The following CNTNAP2 variants were observed in gnomAD, a reference collection of about 807,000 sequenced individuals.
CNTNAP2 encodes the protein contactin associated protein 2, also known as contactin-associated protein-like 2.
Under a neutral mutation model 155.2 loss-of-function variants are expected in CNTNAP2, and 98 were observed. The ratio of observed to expected loss-of-function variants is 0.63; its 90% CI spans 0.54 to 0.75. The LOEUF is 0.75. Among genes scored for constraint, CNTNAP2 ranks in the 30% least tolerant of loss-of-function variants. The probability of loss-of-function intolerance (pLI) is 0.00; values close to 1 mark genes in which losing one functional copy is unlikely to be tolerated. For missense variants in CNTNAP2, 1,727 were observed against 1,688.1 expected, an observed-to-expected ratio of 1.02 and a Z score of -0.40; for synonymous variants, 651 against 631.2, an observed-to-expected ratio of 1.03 and a Z score of -0.47.
At chr7:148,265,549 A>G (rs554097260) in intron 20 of CNTNAP2, among the ~76,000 whole-genome samples, 15 of 152,368 alleles carry the variant, frequency 9.8e-5, no homozygotes, top group African/African-American at 3.6e-4. Flanking sequence ...TGCTGGGATT[A>G]CAGGCATGAG....
chr7:147,505,697 T>G (rs970261213), intron 11 of CNTNAP2, among the ~76,000 whole-genome samples: 1 of 152,220 alleles, frequency 6.6e-6, no homozygotes, highest in Non-Finnish European at 1.5e-5. Context: ...ACCAAACAAA[T>G]GGCCTTAAAC....
intron 1 of CNTNAP2, among the ~76,000 whole-genome samples, chr7:146,411,666 G>A (rs187069135): frequency 2.0e-5 from 3 of 151,876 alleles, no homozygotes; most frequent in Admixed American, 6.6e-5. Flanking sequence ...AGTTCCAACC[G>A]TGTTGTGTGT....
chr7:147,465,768 A>G (rs1197183959), intron 10 of CNTNAP2, among the ~76,000 whole-genome samples: 1 of 152,148 alleles, frequency 6.6e-6, no homozygotes, highest in Non-Finnish European at 1.5e-5. Flanking sequence ...AAGTCATGGG[A>G]GACTTAATTC....
chr7:147,176,148 G>A (rs1802334235), intron 8 of CNTNAP2, among the ~76,000 whole-genome samples: 1 of 152,170 alleles, frequency 6.6e-6, no homozygotes, highest in African/African-American at 2.4e-5. Flanking sequence ...TCGGTTTAAT[G>A]AGGACCTTTT....
At chr7:147,565,870 G>A (rs1248559461) in intron 12 of CNTNAP2, among the ~76,000 whole-genome samples, 1 of 152,062 alleles carries the variant, frequency 6.6e-6, no homozygotes, top group Non-Finnish European at 1.5e-5. Context: ...AGCCCCAAAA[G>A]CCTGATTGGG....
At chr7:148,118,033 A>G in intron 15 of CNTNAP2, 85 bp from the exon 16 acceptor site, 2 of 1,399,482 alleles carry the variant, frequency 1.4e-6, no homozygotes, top group Middle Eastern at 2.3e-4. Flanking sequence ...AATGGTACTT[A>G]TTAAACTCAA....
intron 15 of CNTNAP2, among the ~76,000 whole-genome samples, chr7:148,021,079 C>A (rs1290454539): frequency 1.3e-5 from 2 of 152,156 alleles, no homozygotes; most frequent in Non-Finnish European, 2.9e-5. Flanking sequence ...CTTCTGTAGA[C>A]TGTTGAGTGA....
intron 1 of CNTNAP2, among the ~76,000 whole-genome samples, chr7:146,243,004 T>G (rs940854760): frequency 3.3e-5 from 5 of 152,166 alleles, no homozygotes; most frequent in Non-Finnish European, 5.9e-5. Flanking sequence ...ATTTTTGCTG[T>G]TTTTAGACAT....
At chr7:146,383,426 G>A (rs1795418893) in intron 1 of CNTNAP2, among the ~76,000 whole-genome samples, 1 of 152,050 alleles carries the variant, frequency 6.6e-6, no homozygotes, top group African/African-American at 2.4e-5. Flanking sequence ...GTTTTTAACG[G>A]CATTTCTGAT....
intron 13 of CNTNAP2, among the ~76,000 whole-genome samples, chr7:147,808,696 T>A (rs1798131720): frequency 6.6e-6 from 1 of 152,212 alleles, no homozygotes; most frequent in African/African-American, 2.4e-5. Context: ...TTAGCAGATT[T>A]AGTATTCTAA....
chr7:147,169,186 A>C (rs1802178850), intron 8 of CNTNAP2, among the ~76,000 whole-genome samples: 1 of 152,220 alleles, frequency 6.6e-6, no homozygotes, highest in Non-Finnish European at 1.5e-5. Flanking sequence ...GGCTTAAGAA[A>C]ACTAATAGAT....
At chr7:146,426,076 C>T (rs1181967590) in intron 1 of CNTNAP2, among the ~76,000 whole-genome samples, 2 of 147,176 alleles carry the variant, frequency 1.4e-5, no homozygotes, top group African/African-American at 2.5e-5. Flanking sequence ...ATATGAGCTA[C>T]GCGGGAGGCT....
intron 14 of CNTNAP2, among the ~76,000 whole-genome samples, chr7:147,969,962 T>A (rs1485516168): frequency 6.6e-6 from 1 of 151,776 alleles, no homozygotes; most frequent in Admixed American, 6.6e-5. Flanking sequence ...TGAGACAGGG[T>A]TCTGTCACCC....
chr7:148,269,473 C>T (rs1188650309), intron 21 of CNTNAP2, among the ~76,000 whole-genome samples: 5 of 152,132 alleles, frequency 3.3e-5, no homozygotes, highest in South Asian at 4.1e-4. Flanking sequence ...ACATGTTACA[C>T]GTGTAAATAT....
chr7:146,278,875 C>G (rs565931309), intron 1 of CNTNAP2, among the ~76,000 whole-genome samples: 1 of 152,204 alleles, frequency 6.6e-6, no homozygotes, highest in African/African-American at 2.4e-5. Flanking sequence ...TGAATGCCAT[C>G]TTGTTATTTT....
intron 1 of CNTNAP2, among the ~76,000 whole-genome samples, chr7:146,664,481 A>G (rs10249351): frequency 0.81 from 122,952 of 152,006 alleles, 50,332 homozygotes; most frequent in South Asian, 0.91. Context: ...GTTTTTGAAT[A>G]TAAAATCAAC....
intron 10 of CNTNAP2, among the ~76,000 whole-genome samples, chr7:147,476,158 T>G (rs938738842): frequency 5.9e-5 from 9 of 152,090 alleles, no homozygotes; most frequent in Non-Finnish European, 1.2e-4. Context: ...CAGGCTGGAG[T>G]GCAGTGGCAC....
chr7:146,896,646 T>C (rs919452115), intron 3 of CNTNAP2, among the ~76,000 whole-genome samples: 17 of 151,998 alleles, frequency 1.1e-4, no homozygotes, highest in Non-Finnish European at 4.4e-5. Flanking sequence ...TTATTTTTAA[T>C]GGCAAAACCC....
At chr7:147,722,639 A>G (rs895585011) in intron 13 of CNTNAP2, among the ~76,000 whole-genome samples, 1 of 152,102 alleles carries the variant, frequency 6.6e-6, no homozygotes, top group East Asian at 1.9e-4. Context: ...TGAGAGACCT[A>G]TTCCAACTCT....
Sources: gnomAD v4.1 joint callset for allele counts (sites outside exome capture counted in the v4.1 genomes callset) on GRCh38, gnomAD v4.1.1 for gene constraint, MANE v1.5 for transcripts, NCBI Gene and HGNC (gene_info 2026-07-23, HGNC 2026-07-21) for gene names.